The following KALRN variants were observed in gnomAD, a reference collection of about 807,000 sequenced individuals.
KALRN encodes the protein kalirin RhoGEF kinase.
KALRN carries 70 observed loss-of-function variants against 353.7 expected under a neutral mutation model. That is an observed-to-expected ratio of 0.20 (90% CI 0.16 to 0.24). The LOEUF (loss-of-function observed/expected upper bound fraction) is 0.24. KALRN is among the 10% of genes least tolerant of loss of function. KALRN has a pLI of 1.00. For synonymous variants in KALRN, 1,391 were observed against 1,434.8 expected, an observed-to-expected ratio of 0.97 and a Z score of 0.69; for missense variants, 2,791 against 3,756.7, an observed-to-expected ratio of 0.74 and a Z score of 6.72.
intron 1 of KALRN, among the ~76,000 whole-genome samples, chr3:124,188,032 C>T (rs942924859): frequency 2.6e-5 from 4 of 152,124 alleles, no homozygotes; most frequent in African/African-American, 7.2e-5. Context: ...CAACAACATA[C>T]AAGCAAACAA....
At chr3:124,320,007 A>ATAG (rs2079165822) in intron 6 of KALRN, among the ~76,000 whole-genome samples, 1 of 152,010 alleles carries the variant, frequency 6.6e-6, no homozygotes, top group African/African-American at 2.4e-5. Context: ...AATAATAATA[A>ATAG]TAATAATAAG....
intron 1 of KALRN, chr3:124,163,543 C>T (rs968283133): frequency 5.6e-5 from 54 of 969,502 alleles, no homozygotes; most frequent in Non-Finnish European, 6.6e-5. Flanking sequence ...TTTCTTTAGC[C>T]TAAATCTGTC....
chr3:124,306,164 TC>T (rs2077678439), intron 6 of KALRN, among the ~76,000 whole-genome samples: 1 of 152,096 alleles, frequency 6.6e-6, no homozygotes, highest in Admixed American at 6.6e-5. Flanking sequence ...AGCCTTAACC[TC>T]CTAGGCTCAA....
In KALRN at chr3:124,462,526, C is replaced by A. The variant is rs149749210; in HGVS notation, c.3924C>A (p.Thr1308=). Residue 1308 remains threonine, a splice_region_variant and synonymous_variant, in exon 25 of 60, where the codon ACC becomes ACA. Transcript: ENST00000682506. The part of the protein sequence containing the change: ...YVRDLHECLE[T]YLWEMTSGVE... ...ATGAAACTGTTACTGTCTTACAGACCTACCTGTGGGAAATGACCAGTGGTG... is the reference window on the plus strand; with the variant it reads ...ATGAAACTGTTACTGTCTTACAGACATACCTGTGGGAAATGACCAGTGGTG... The A allele has an allele frequency of 4.4e-6, 7 of 1,589,022 alleles. No individual in the cohort carries two copies. Among genetic ancestry groups the A allele is most frequent in the Non-Finnish European group, 6.0e-6 (7 of 1,157,246 alleles).
chr3:124,510,993 C>T (rs1008017080), intron 33 of KALRN, among the ~76,000 whole-genome samples: 2 of 152,098 alleles, frequency 1.3e-5, no homozygotes, highest in Non-Finnish European at 2.9e-5. Flanking sequence ...AAGTGCTGCT[C>T]TAGGGTGGAA....
chr3:124,443,002 GA>G (rs1322228831), intron 19 of KALRN, among the ~76,000 whole-genome samples: 2 of 150,876 alleles, frequency 1.3e-5, no homozygotes, highest in African/African-American at 2.4e-5. Flanking sequence ...AAAAAGAAAA[GA>G]AAAAAAAGAA....
At chr3:124,199,390 T>C (rs1336330413) in intron 1 of KALRN, among the ~76,000 whole-genome samples, 1 of 152,214 alleles carries the variant, frequency 6.6e-6, no homozygotes. Context: ...TCTGGATTTG[T>C]GTTGAACAGC....
intron 34 of KALRN, chr3:124,584,831 G>A (rs752315186): frequency 8.7e-6 from 14 of 1,604,470 alleles, no homozygotes; most frequent in Non-Finnish European, 1.1e-5. Context: ...CATGAAGGGC[G>A]GCGACAGGGC....
At chr3:124,225,978 C>T (rs975347465) in intron 1 of KALRN, among the ~76,000 whole-genome samples, 1 of 152,138 alleles carries the variant, frequency 6.6e-6, no homozygotes, top group Non-Finnish European at 1.5e-5. Flanking sequence ...TTTTATATTA[C>T]ATTTTTTTCT....
intron 33 of KALRN, among the ~76,000 whole-genome samples, chr3:124,497,640 T>G (rs926793461): frequency 2.0e-5 from 3 of 152,180 alleles, no homozygotes; most frequent in Non-Finnish European, 2.9e-5. Flanking sequence ...GAAAATTAGG[T>G]TTTTTTCCAC....
intron 54 of KALRN, 102 bp downstream of exon 54, chr3:124,696,357 A>C: frequency 8.9e-7 from 1 of 1,128,974 alleles, no homozygotes; most frequent in Non-Finnish European, 1.2e-6. Flanking sequence ...GGCAGCCTTG[A>C]CCTCCCAGGC....
At chr3:124,409,871 GA>G (rs1236896832) in intron 13 of KALRN, among the ~76,000 whole-genome samples, 1 of 151,972 alleles carries the variant, frequency 6.6e-6, no homozygotes, top group African/African-American at 2.4e-5. Flanking sequence ...CAGACTAATT[GA>G]AAGCTGTGGG....
At chr3:124,258,426 C>T (rs2072349381) in intron 3 of KALRN, among the ~76,000 whole-genome samples, 1 of 152,214 alleles carries the variant, frequency 6.6e-6, no homozygotes, top group Admixed American at 6.5e-5. Context: ...CCTCTCCTCC[C>T]TTATTTCTTT....
intron 7 of KALRN, among the ~76,000 whole-genome samples, chr3:124,329,096 A>G (rs1256825747): frequency 2.0e-5 from 3 of 152,240 alleles, no homozygotes; most frequent in Non-Finnish European, 4.4e-5. Flanking sequence ...TGCATTTTAA[A>G]GGTGCATTTT....
intron 33 of KALRN, among the ~76,000 whole-genome samples, chr3:124,505,829 T>G (rs951693934): frequency 8.5e-5 from 13 of 152,178 alleles, no homozygotes; most frequent in African/African-American, 2.4e-4. Flanking sequence ...AACATAGAAT[T>G]CTTGGAAAGA....
At chr3:124,332,467 TA>T (rs1253497136) in intron 8 of KALRN, among the ~76,000 whole-genome samples, 1 of 152,138 alleles carries the variant, frequency 6.6e-6, no homozygotes, top group Non-Finnish European at 1.5e-5. Flanking sequence ...AGCTTTGATT[TA>T]GTTGGTAACC....
intron 57 of KALRN, among the ~76,000 whole-genome samples, chr3:124,711,980 T>C (rs937905932): frequency 2.0e-5 from 3 of 152,190 alleles, no homozygotes; most frequent in African/African-American, 7.2e-5. Flanking sequence ...TTAAAATCTT[T>C]TTAATGAGAG....
intron 9 of KALRN, among the ~76,000 whole-genome samples, chr3:124,346,830 G>A (rs1470991065): frequency 2.0e-5 from 3 of 152,166 alleles, no homozygotes; most frequent in Non-Finnish European, 2.9e-5. Flanking sequence ...AAGTGGTGAG[G>A]GGGTTAAACT....
intron 51 of KALRN, among the ~76,000 whole-genome samples, chr3:124,683,025 G>C (rs1263770088): frequency 6.6e-6 from 1 of 151,920 alleles, no homozygotes; most frequent in Non-Finnish European, 1.5e-5. Context: ...TAAAGATGAC[G>C]AGTATCATCC....
Sources: allele counts gnomAD v4.1 joint callset (sites outside exome capture counted in the v4.1 genomes callset), GRCh38; gene constraint gnomAD v4.1.1; transcripts MANE v1.5; gene names NCBI Gene and HGNC (gene_info 2026-07-23, HGNC 2026-07-21).